RAG1: variants seen among roughly 807,000 people sequenced by gnomAD.
The protein encoded by RAG1 is recombination activating 1, also known as V(D)J recombination-activating protein 1.
In RAG1, 35 loss-of-function variants were observed where a neutral mutation model predicts 62.7. That is an observed-to-expected ratio of 0.56 (90% CI 0.43 to 0.74). The LOEUF is 0.74. RAG1 is among the 30% of genes least tolerant of loss of function. The pLI, the probability that RAG1 is intolerant of heterozygous loss-of-function variation, is 0.00. For synonymous variants in RAG1, 461 were observed against 470.3 expected (o/e 0.98, Z 0.26); for missense variants, 1,169 against 1,278.6 (o/e 0.91, Z 1.31).
chr11:36,570,056 G>C (rs1204859337), intron 1 of RAG1, among the ~76,000 whole-genome samples: 2 of 151,986 alleles, frequency 1.3e-5, no homozygotes, highest in Admixed American at 1.3e-4. Context: ...AATGCCCTTT[G>C]GGTAATTATT....
chr11:36,542,559 C>T (rs73451245), intron 3 of RAG1, among the ~76,000 whole-genome samples: 11,337 of 152,186 alleles, frequency 0.074, 459 homozygotes, highest in African/African-American at 0.08. Context: ...CTTGGCATCT[C>T]TATGGATCTG....
chr11:36,521,211 A>C (rs574702612), intron 2 of RAG1, among the ~76,000 whole-genome samples: 2 of 151,844 alleles, frequency 1.3e-5, no homozygotes, highest in African/African-American at 2.4e-5. Context: ...CGTCCTCCTC[A>C]GCCTCCCAAA....
At chr11:36,516,430 T>G (rs1038683041) in intron 1 of RAG1, among the ~76,000 whole-genome samples, 1 of 152,260 alleles carries the variant, frequency 6.6e-6, no homozygotes, top group Non-Finnish European at 1.5e-5. Context: ...CACGCCATTC[T>G]CCTGCCTCAG....
chr11:36,524,009 T>A (rs1860121078), intron 2 of RAG1, among the ~76,000 whole-genome samples: 1 of 152,228 alleles, frequency 6.6e-6, no homozygotes, highest in Admixed American at 6.5e-5. Flanking sequence ...TACTAATCTG[T>A]TCTCTATTTC....
intron 1 of RAG1, among the ~76,000 whole-genome samples, chr11:36,511,934 T>C (rs1034783643): frequency 6.6e-6 from 1 of 152,208 alleles, no homozygotes; most frequent in African/African-American, 2.4e-5. Flanking sequence ...CTTACCAGGC[T>C]TTTGTCAGTA....
chr11:36,541,710 C>T (rs1860420903), intron 3 of RAG1, among the ~76,000 whole-genome samples: 1 of 152,088 alleles, frequency 6.6e-6, no homozygotes, highest in South Asian at 2.1e-4. Flanking sequence ...CTCACCCGAA[C>T]CAAAAGTTTA....
intron 3 of RAG1, among the ~76,000 whole-genome samples, chr11:36,542,865 G>GA (rs1186851908): frequency 2.6e-5 from 4 of 151,922 alleles, no homozygotes; most frequent in Admixed American, 6.6e-5. Flanking sequence ...AAAAAAAATA[G>GA]AAAAAAACCT....
At chr11:36,517,536 T>C (rs1860012302) in intron 1 of RAG1, among the ~76,000 whole-genome samples, 1 of 152,200 alleles carries the variant, frequency 6.6e-6, no homozygotes, top group Admixed American at 6.5e-5. Flanking sequence ...TGTGTGTGTG[T>C]GTTTGAGTGT....
At chr11:36,530,580 C>G (rs552859598) in intron 2 of RAG1, among the ~76,000 whole-genome samples, 1 of 151,860 alleles carries the variant, frequency 6.6e-6, no homozygotes, top group East Asian at 1.9e-4. Context: ...TTTTCTTTGA[C>G]CCACTGGTTA....
At chr11:36,542,354 T>C (rs961209482) in intron 3 of RAG1, among the ~76,000 whole-genome samples, 4 of 152,204 alleles carry the variant, frequency 2.6e-5, no homozygotes, top group South Asian at 2.1e-4. Context: ...CAGGGTAACA[T>C]AGAGATGCTT....
Position 36,574,592 on chromosome 11 carries a change from G to A in RAG1, c.1288G>A (p.Val430Met), listed in dbSNP as rs1452088681. The A allele has an allele frequency of 1.2e-6, 2 of 1,614,254 alleles. No homozygotes were observed. Among genetic ancestry groups the A allele is most frequent in the Non-Finnish European group, 1.7e-6 (2 of 1,180,052 alleles). ...TGCTGACAAAGAAGAAGGTGGAGATGTGAAGTCCGTGTGCATGACCTTGTT... is the reference window on the plus strand; with the variant it reads ...TGCTGACAAAGAAGAAGGTGGAGATATGAAGTCCGTGTGCATGACCTTGTT... ...AFADKEEGGD[V>M]KSVCMTLFLL... The change falls in exon 2 of 2, where the codon GTG (valine) becomes ATG (methionine). Residue 430 changes from valine to methionine, a missense_variant. This residue lies in a region of RAG1 where 800 missense variants were observed against 943.3 expected (regional missense o/e 0.85). Transcript: ENST00000299440.
intron 2 of RAG1, among the ~76,000 whole-genome samples, chr11:36,522,570 C>T (rs1242279610): frequency 6.6e-6 from 1 of 152,230 alleles, no homozygotes; most frequent in Non-Finnish European, 1.5e-5. Context: ...AATGTAGGGT[C>T]AGAGCCCCCA....
At position 36,574,998 on chromosome 11, in the gene RAG1, CTTT is replaced by C; in HGVS notation, c.1695_1697del (p.Leu566del). On this transcript the variant is annotated inframe_deletion, in exon 2 of 2. Coordinates refer to ENST00000299440, the MANE Select transcript of RAG1 (RefSeq NM_000448.3). The stretch of plus-strand genomic sequence containing the variant: ...GCAAAGAGGTTCCGCTATGATTCAG[CTTT>C]GGTGTCTGCTTTGATGGACATGGAA... 6.2e-7 allele frequency: 1 copy of C among 1,614,102 alleles called. No homozygotes were observed. The highest frequency in any genetic ancestry group is 1.1e-5 in the South Asian group (1 of 91,074).
intron 3 of RAG1, among the ~76,000 whole-genome samples, chr11:36,544,067 C>T (rs1850354793): frequency 6.6e-6 from 1 of 152,196 alleles, no homozygotes; most frequent in Admixed American, 6.5e-5. Flanking sequence ...TTCCACAATT[C>T]ATGAACCAGT....
rs938586373 is a variant in RAG1 at position 36,574,333 on chromosome 11, A to G, written c.1029A>G (p.Pro343=). ...YPCFPTDLES[P]VKSFLSVLNS... is the part of the protein sequence containing the mutation. Reference sequence around the variant, plus strand: ...GCTTCCCTACTGACCTGGAGAGTCCAGTGAAGTCCTTTCTGAGCGTCTTGA... The same window carrying G: ...GCTTCCCTACTGACCTGGAGAGTCCGGTGAAGTCCTTTCTGAGCGTCTTGA... The change falls in exon 2 of 2, where the codon CCA becomes CCG. Residue 343 remains proline (P), a synonymous_variant. Transcript: ENST00000299440. 2 of 1,614,128 alleles carry G rather than the reference A, an allele frequency of 1.2e-6. No individual in the cohort carries two copies. Among genetic ancestry groups the G allele is most frequent in the African/African-American group, 1.3e-5 (1 of 74,948 alleles).
upstream of RAG1, among the ~76,000 whole-genome samples, chr11:36,567,596 A>C (rs1850679646): frequency 6.6e-6 from 1 of 152,248 alleles, no homozygotes. Flanking sequence ...TCTGATGAAC[A>C]TCTACAAAGA....
intron 1 of RAG1, among the ~76,000 whole-genome samples, chr11:36,514,398 A>AT (rs754718314): frequency 6.4e-4 from 98 of 152,350 alleles, no homozygotes; most frequent in Non-Finnish European, 1.1e-3. Context: ...GTCCCCAAAC[A>AT]TTTTGGAACC....
chr11:36,573,271 C>T lies in RAG1; in HGVS notation c.-14-20C>T. ...GATATTGATATTGGTCTTAATATGA[C>T]TTGTTTTCATTGTTCTCAGGTACCT... On this transcript the variant is annotated intron_variant, in intron 1 of 1. Coordinates refer to ENST00000299440, the MANE Select transcript of RAG1 (RefSeq NM_000448.3). The T allele has an allele frequency of 6.2e-7, 1 of 1,613,370 alleles. No homozygotes were observed. The highest frequency in any genetic ancestry group is 8.5e-7 in the Non-Finnish European group (1 of 1,179,586).
At chr11:36,540,774 C>T (rs1318257434), downstream of RAG1, among the ~76,000 whole-genome samples, 1 of 152,146 alleles carries the variant, frequency 6.6e-6, no homozygotes, top group Non-Finnish European at 1.5e-5. Context: ...CAAAGACTGC[C>T]CAGTCTCCGT....
Sources: allele counts gnomAD v4.1 joint callset (sites outside exome capture counted in the v4.1 genomes callset), GRCh38; gene constraint gnomAD v4.1.1; regional missense constraint gnomAD v4.1.1; transcripts MANE v1.5; gene names NCBI Gene and HGNC (gene_info 2026-07-23, HGNC 2026-07-21).